PSTPIP1: variants seen among roughly 807,000 people sequenced by gnomAD.
PSTPIP1 encodes the protein proline-serine-threonine phosphatase interacting protein 1, also known as proline-serine-threonine phosphatase-interacting protein 1.
In PSTPIP1, 66 loss-of-function variants were observed where a neutral mutation model predicts 69.6. The observed-to-expected ratio is 0.95, with a 90% CI of 0.78 to 1.16. PSTPIP1 has a LOEUF of 1.16. PSTPIP1 is among the 50% of genes most tolerant of loss of function. The probability of loss-of-function intolerance (pLI) is 0.00; values close to 1 mark genes in which losing one functional copy is unlikely to be tolerated. For synonymous variants in PSTPIP1, 266 were observed against 222.7 expected (o/e 1.19, Z -1.73); for missense variants, 603 against 557.4 (o/e 1.08, Z -0.82).
intron 7 of PSTPIP1, among the ~76,000 whole-genome samples, chr15:77,029,044 A>T (rs2076353428): frequency 6.6e-6 from 1 of 152,250 alleles, no homozygotes; most frequent in African/African-American, 2.4e-5. Flanking sequence ...AGGAAGCAGC[A>T]GAAAAGGGAC....
At chr15:77,024,470 G>A (rs980120530) in intron 3 of PSTPIP1, 16 of 152,168 alleles carry the variant, frequency 1.1e-4, no homozygotes, top group African/African-American at 3.9e-4. Flanking sequence ...GCCGCCAGGG[G>A]GCAGCCGAGC....
chr15:77,035,624 C>T, intron 13 of PSTPIP1, 61 bp downstream of exon 13: 2 of 1,524,304 alleles, frequency 1.3e-6, no homozygotes, highest in Non-Finnish European at 1.8e-6. Flanking sequence ...GAGAGGTCTC[C>T]CACATGGCAC....
intron 1 of PSTPIP1, among the ~76,000 whole-genome samples, chr15:76,996,824 C>A: frequency 6.6e-6 from 1 of 152,134 alleles, no homozygotes; most frequent in East Asian, 1.9e-4. Flanking sequence ...TCCGGAGGAC[C>A]AGGCACCAGG....
At chr15:77,006,486 C>T (rs1181730201) in intron 1 of PSTPIP1, among the ~76,000 whole-genome samples, 1 of 152,120 alleles carries the variant, frequency 6.6e-6, no homozygotes, top group Non-Finnish European at 1.5e-5. Flanking sequence ...GTTTTGTTGC[C>T]TATGATTTTA....
chr15:77,003,789 G>T (rs1225021762), intron 1 of PSTPIP1, among the ~76,000 whole-genome samples: 1 of 152,128 alleles, frequency 6.6e-6, no homozygotes, highest in Non-Finnish European at 1.5e-5. Context: ...AGGATGTCAG[G>T]GTCGTCATCA....
In PSTPIP1 at chr15:77,037,455, T is replaced by C; in HGVS notation, c.*279T>C. 6.0e-6 allele frequency: 2 copies of C among 334,370 alleles called. No individual in the cohort carries two copies. Among genetic ancestry groups the C allele is most frequent in the South Asian group, 6.6e-5 (2 of 30,304 alleles). The allele number at this position is 334,370 out of a possible 1,614,324, so 20.7% of individuals were successfully genotyped here. A position where few individuals can be genotyped will look rare whatever the true frequency, so the allele number is the denominator to read the frequency against. ...GGAGCTCCCCAACTCAGCCGAGGCT[T>C]CAGCTATAGTTGGAGAAGAGGCCTG... On this transcript the variant is annotated 3_prime_UTR_variant, in exon 15 of 15. Coordinates refer to ENST00000558012, the MANE Select transcript of PSTPIP1 (RefSeq NM_003978.5).
At chr15:76,997,912 C>G (rs186945348) in intron 1 of PSTPIP1, among the ~76,000 whole-genome samples, 1 of 150,640 alleles carries the variant, frequency 6.6e-6, no homozygotes, top group East Asian at 1.9e-4. Flanking sequence ...TGTCATTAAA[C>G]CCTTCAGCCT....
At chr15:76,995,646 G>A in intron 1 of PSTPIP1, 37 bp downstream of exon 1, 1 of 1,612,612 alleles carries the variant, frequency 6.2e-7, no homozygotes, top group Non-Finnish European at 8.5e-7. Flanking sequence ...AACAAGTGGA[G>A]GGGGCAGAGC....
rs368528834 is a variant in PSTPIP1, at chr15:77,032,351, C to T, written c.795C>T (p.Ile265=). 58 of 1,612,662 alleles carry T rather than the reference C, an allele frequency of 3.6e-5. No individual in the cohort carries two copies. The highest frequency in any genetic ancestry group is 1.7e-4 in the Middle Eastern group (1 of 6,058). ...AAGGCTGCAGCATAGACGCCGACAT[C>T]GACAGTTTCATCCAGGCCAAGAGCA... ...TLEGCSIDAD[I]DSFIQAKSTG... The change falls in exon 11 of 15, where the codon ATC becomes ATT. Residue 265 remains isoleucine (I), a synonymous_variant. Coordinates refer to ENST00000558012, the MANE Select transcript of PSTPIP1 (RefSeq NM_003978.5).
chr15:77,035,629 T>G, intron 13 of PSTPIP1, 66 bp downstream of exon 13: 3 of 1,514,220 alleles, frequency 2.0e-6, no homozygotes, highest in Non-Finnish European at 2.7e-6. Flanking sequence ...GTCTCCCACA[T>G]GGCACAGATG....
intron 1 of PSTPIP1, among the ~76,000 whole-genome samples, chr15:77,014,471 G>T (rs1212749658): frequency 6.6e-6 from 1 of 152,202 alleles, no homozygotes; most frequent in Non-Finnish European, 1.5e-5. Context: ...TCTCTGACCT[G>T]TGGCCTACAC....
At position 76,995,517 on chromosome 15, in the gene PSTPIP1, C is replaced by T; in HGVS notation, c.-57C>T. 1 of 1,613,316 alleles carries T rather than the reference C, an allele frequency of 6.2e-7. No homozygotes were observed. ...GGGACGCTGCTGCTGGCGCCTGGCC[C>T]TCCATCAGGCCAGCCTGTGGCAGGA... On this transcript the variant is annotated 5_prime_UTR_variant, in exon 1 of 15. Transcript: ENST00000558012.
intron 1 of PSTPIP1, among the ~76,000 whole-genome samples, chr15:76,997,358 CG>C (rs2075603303): frequency 6.6e-6 from 1 of 152,054 alleles, no homozygotes; most frequent in Non-Finnish European, 1.5e-5. Flanking sequence ...GCCGATGCCC[CG>C]AAAGGTCACT....
intron 9 of PSTPIP1, among the ~76,000 whole-genome samples, chr15:77,030,904 C>A (rs535038597): frequency 6.6e-6 from 1 of 152,342 alleles, no homozygotes; most frequent in South Asian, 2.1e-4. Flanking sequence ...CTCAGGACTC[C>A]CGTCCGAGGT....
At chr15:77,002,214 G>T (rs539921783) in intron 1 of PSTPIP1, among the ~76,000 whole-genome samples, 36 of 152,316 alleles carry the variant, frequency 2.4e-4, no homozygotes, top group African/African-American at 7.9e-4. Flanking sequence ...CCCAGACGAG[G>T]GTCACCTGTG....
intron 1 of PSTPIP1, among the ~76,000 whole-genome samples, chr15:77,010,556 T>C (rs1319033780): frequency 2.0e-5 from 3 of 152,220 alleles, no homozygotes; most frequent in Non-Finnish European, 4.4e-5. Context: ...AGCACTGGAC[T>C]TCCAGGCAGC....
intron 4 of PSTPIP1, 70 bp downstream of exon 4, chr15:77,025,388 G>A (rs2076256181): frequency 6.3e-7 from 1 of 1,580,372 alleles, no homozygotes; most frequent in East Asian, 2.2e-5. Flanking sequence ...TGGGGGGACA[G>A]AAGATGAGGT....
intron 1 of PSTPIP1, among the ~76,000 whole-genome samples, chr15:77,014,184 G>C (rs2076003372): frequency 6.6e-6 from 1 of 152,118 alleles, no homozygotes; most frequent in South Asian, 2.1e-4. Flanking sequence ...GGGCAGATTG[G>C]GTAACCTCTC....
intron 10 of PSTPIP1, among the ~76,000 whole-genome samples, chr15:77,032,010 T>C (rs2076430007): frequency 1.3e-5 from 2 of 152,178 alleles, no homozygotes; most frequent in Non-Finnish European, 2.9e-5. Flanking sequence ...GCTGTGACCT[T>C]GGGCAAGTCA....
Sources: gnomAD v4.1 joint callset for allele counts (sites outside exome capture counted in the v4.1 genomes callset) on GRCh38, gnomAD v4.1.1 for gene constraint, MANE v1.5 for transcripts, NCBI Gene and HGNC (gene_info 2026-07-23, HGNC 2026-07-21) for gene names.